Variants in L1TD1 observed in about 807,000 individuals in gnomAD.
L1TD1 encodes the protein LINE-1 type transposase domain-containing protein 1.
Under a neutral mutation model 25.7 loss-of-function variants are expected in L1TD1, and 26 were observed. That is an observed-to-expected ratio of 1.01 (90% confidence interval 0.74 to 1.40). The LOEUF (loss-of-function observed/expected upper bound fraction) is 1.40, where lower values mean the gene tolerates loss of function less well. L1TD1 is among the 40% of genes most tolerant of loss of function. L1TD1 has a pLI of 0.00. For synonymous variants in L1TD1, 421 were observed against 335.6 expected (o/e 1.25, Z -2.78); for missense variants, 1,130 against 975.0 (o/e 1.16, Z -2.12).
chr1:62,202,669 ATTTTT>A (rs35815437), intron 2 of L1TD1, among the ~76,000 whole-genome samples: 221 of 71,868 alleles, frequency 3.1e-3, no homozygotes, highest in African/African-American at 0.012. Context: ...CCAGGGTTTA[ATTTTT>A]TTTTTTTTTT....
chr1:62,209,825 AC>A lies in L1TD1; in HGVS notation c.1053del (p.Ser352ValfsTer4), dbSNP rs751514046. 2.5e-6 allele frequency: 4 copies of A among 1,612,274 alleles called. No homozygotes were observed. In the African/African-American group the frequency reaches 4.0e-5, roughly 16 times the overall value. On this transcript the variant is annotated frameshift_variant, in exon 4 of 4. Transcript: ENST00000498273. LOFTEE classifies it low-confidence loss of function (END_TRUNC). The part of the protein sequence containing the change: ...IDSKHRAGEI[T>X]SDGLSFLFLK... The stretch of plus-strand genomic sequence containing the variant: ...CTCAAAGCATAGAGCTGGAGAAATA[AC>A]CAGTGATGGCTTGAGCTTCCTATTT...
Position 62,207,035 on chromosome 1 carries a change from A to C in L1TD1, c.407A>C (p.Lys136Thr), listed in dbSNP as rs747185517. The C allele has an allele frequency of 1.9e-6, 3 of 1,613,696 alleles. No individual in the cohort carries two copies. The East Asian group carries it at 6.7e-5, about 36-fold the overall frequency. Residue 136 changes from lysine to threonine, a missense_variant, in exon 3 of 4, where the codon AAA becomes ACA. Coordinates refer to ENST00000498273, the MANE Select transcript of L1TD1 (RefSeq NM_019079.5). ...GATGATAATGAAAATTTAACCTTTA[A>C]ATTAGAAGTAAATGAGCTGAGTGGT... is the stretch of plus-strand genomic sequence containing the variant. ...IGDDNENLTF[K>T]LEVNELSGKL...
Position 62,198,609 on chromosome 1 carries a change from T to C in L1TD1, c.-111+2081T>C, listed in dbSNP as rs192240905. 3.1e-3 allele frequency among the ~76,000 whole-genome samples: 473 copies of C among 151,120 alleles called. 2 individuals are homozygous for C. Among genetic ancestry groups the C allele is most frequent in the African/African-American group, 0.011 (448 of 40,972 alleles). On this transcript the variant is annotated intron_variant, in intron 2 of 3. Transcript: ENST00000498273. ...AAGGAAATGCAAGCAGATAAACATATGAAAAGATGGCAGTCACAAGCCAAG... is the reference window on the plus strand; with the variant it reads ...AAGGAAATGCAAGCAGATAAACATACGAAAAGATGGCAGTCACAAGCCAAG...
At chr1:62,200,110 CAT>C (rs1280151705) in intron 2 of L1TD1, among the ~76,000 whole-genome samples, 1 of 151,972 alleles carries the variant, frequency 6.6e-6, no homozygotes, top group Non-Finnish European at 1.5e-5. Flanking sequence ...GTACGTTGAA[CAT>C]ATTGTATGCA....
intron 2 of L1TD1, among the ~76,000 whole-genome samples, chr1:62,197,792 C>G (rs539057118): frequency 7.6e-4 from 116 of 152,240 alleles, no homozygotes; most frequent in African/African-American, 2.8e-3. Flanking sequence ...AGGAGAATCA[C>G]TTGAACCTGG....
At chr1:62,195,558 T>A (rs1163435683) in intron 1 of L1TD1, among the ~76,000 whole-genome samples, 4 of 150,274 alleles carry the variant, frequency 2.7e-5, no homozygotes, top group African/African-American at 9.9e-5. Flanking sequence ...TTCGAGACCA[T>A]CCTGACCAAC....
At position 62,210,504 on chromosome 1, in the gene L1TD1, T is replaced by C; in HGVS notation, c.1730T>C (p.Leu577Ser). ...DEHKKHSHTN[L>S]SISTGVTKLK... ...CATAAAAAGCATTCACATACAAATT[T>C]GAGTATTTCAACAGGAGTCACCAAA... Residue 577 changes from leucine to serine, a missense_variant, in exon 4 of 4, where the codon TTG becomes TCG. Coordinates refer to ENST00000498273, the MANE Select transcript of L1TD1 (RefSeq NM_019079.5). 2.5e-6 allele frequency: 4 copies of C among 1,613,924 alleles called. No individual in the cohort carries two copies. Among genetic ancestry groups the C allele is most frequent in the Non-Finnish European group, 3.4e-6 (4 of 1,179,994 alleles).
Position 62,210,640 on chromosome 1 carries a change from T to C in L1TD1, c.1866T>C (p.Ile622=), listed in dbSNP as rs779622892. 25 of 1,581,810 alleles carry C rather than the reference T, an allele frequency of 1.6e-5. No individual in the cohort carries two copies. The South Asian group carries it at 2.7e-4, about 17-fold the overall frequency. Residue 622 remains isoleucine (I), a synonymous_variant, in exon 4 of 4, where the codon ATT becomes ATC. Transcript: ENST00000498273. ...AAGAAAACTTGAGAAGTAGTGTGAT[T>C]AATAGCATCAGAGAGATAAAAGAGG... ...ETEENLRSSV[I]NSIREIKEEI...
Position 62,207,546 on chromosome 1 carries a change from A to G in L1TD1, c.918A>G (p.Lys306=). ...GCCTTAGAAAATTTGCCAGCCAAAA[A>G]TCTTCTGTGAAAGAATTACTGAAAG... ...LQSLRKFASQ[K]SSVKELLKDV... Residue 306 remains lysine (K), a synonymous_variant, in exon 3 of 4, where the codon AAA becomes AAG. Coordinates refer to ENST00000498273, the MANE Select transcript of L1TD1 (RefSeq NM_019079.5). 6.4e-7 allele frequency: 1 copy of G among 1,551,476 alleles called. No individual in the cohort carries two copies. Among genetic ancestry groups the G allele is most frequent in the African/African-American group, 1.4e-5 (1 of 73,162 alleles).
rs1670873463 is a variant in L1TD1 at position 62,211,592 on chromosome 1, C to A, written c.*220C>A. 1 of 598,462 alleles carries A rather than the reference C, an allele frequency of 1.7e-6. No homozygotes were observed. Among genetic ancestry groups the A allele is most frequent in the Non-Finnish European group, 2.5e-6 (1 of 396,206 alleles). 37.1% of individuals were successfully genotyped at this position (598,462 alleles called of 1,614,324 possible). On this transcript the variant is annotated 3_prime_UTR_variant, in exon 4 of 4. Transcript: ENST00000498273. ...AATGTAGTGAGTTATTTCAGTTGAT[C>A]ACAGTCAGTTACAGATAGAATTCCT...
intron 1 of L1TD1, among the ~76,000 whole-genome samples, chr1:62,195,589 C>G (rs1001075859): frequency 2.0e-5 from 3 of 151,816 alleles, no homozygotes; most frequent in African/African-American, 7.3e-5. Context: ...CTCGTCTCTA[C>G]TAAAAATACA....
In L1TD1 at chr1:62,211,072, T is replaced by C; in HGVS notation, c.2298T>C (p.Asn766=). Residue 766 remains asparagine (N), a synonymous_variant, in exon 4 of 4, where the codon AAT becomes AAC. Transcript: ENST00000498273. ...TPRHILVKFW[N]SSDKEKIIRA... ...GACACATCTTGGTGAAATTTTGGAA[T>C]TCTAGTGATAAAGAGAAAATAATAA... The C allele has an allele frequency of 6.4e-7, 1 of 1,550,776 alleles. No individual in the cohort carries two copies. The highest frequency in any genetic ancestry group is 8.7e-7 in the Non-Finnish European group (1 of 1,146,866).
chr1:62,195,935 G>A (rs940061563), intron 1 of L1TD1, among the ~76,000 whole-genome samples: 3 of 152,046 alleles, frequency 2.0e-5, no homozygotes, highest in Non-Finnish European at 4.4e-5. Flanking sequence ...TACTAGGGAG[G>A]CCGAGGCAGG....
At chr1:62,201,096 T>C (rs1670631270) in intron 2 of L1TD1, among the ~76,000 whole-genome samples, 1 of 151,962 alleles carries the variant, frequency 6.6e-6, no homozygotes, top group South Asian at 2.1e-4. Flanking sequence ...GCCCAGCTAA[T>C]TTTTGTATTT....
At position 62,209,972 on chromosome 1, in the gene L1TD1, A is replaced by G. The variant is rs1557447009; in HGVS notation, c.1198A>G (p.Thr400Ala). The change falls in exon 4 of 4, where the codon ACC becomes GCC. Residue 400 changes from threonine (T) to alanine (A), a missense_variant. Thr to Ala is a moderately conservative substitution (Grantham distance 58). Transcript: ENST00000498273. ...EASGMEDDED[T>A]SGLEEEEEEP... is the part of the protein sequence containing the mutation. ...CTCAGGGATGGAGGATGATGAAGAT[A>G]CCTCAGGGCTGGAGGAGGAGGAGGA... The G allele has an allele frequency of 3.1e-6, 5 of 1,611,854 alleles. No homozygotes were observed. In the South Asian group the frequency reaches 5.5e-5, roughly 18 times the overall value.
rs1337531004 is a variant in L1TD1, at chr1:62,210,604, A to G, written c.1830A>G (p.Thr610=). ...TAACATCCAAAGAAGCAGACTTAAC[A>G]GAGGAAACAGAAGAAAACTTGAGAA... ...EELTSKEADL[T]EETEENLRSS... is the part of the protein sequence containing the mutation. The change falls in exon 4 of 4, where the codon ACA becomes ACG. Residue 610 remains threonine (T), a synonymous_variant. Transcript: ENST00000498273. The G allele has an allele frequency of 1.2e-6, 2 of 1,608,402 alleles. No homozygotes were observed. Among genetic ancestry groups the G allele is most frequent in the Middle Eastern group, 1.6e-4 (1 of 6,082 alleles).
chr1:62,205,443 A>ATATATTTTTTTTTTTTTTTTTTTT (rs1553122597), intron 2 of L1TD1, among the ~76,000 whole-genome samples: 1 of 63,658 alleles, frequency 1.6e-5, no homozygotes, highest in African/African-American at 5.6e-5. Context: ...ATATATATAT[A>ATATATTTTTTTTTTTTTTTTTTTT]TTTTTTTTTA....
intron 2 of L1TD1, among the ~76,000 whole-genome samples, chr1:62,204,628 T>C (rs1670700064): frequency 6.6e-6 from 1 of 152,294 alleles, no homozygotes; most frequent in South Asian, 2.1e-4. Context: ...GATGTTGAAC[T>C]TCTGGGCTCA....
chr1:62,198,568 A>C (rs920833253), intron 2 of L1TD1, among the ~76,000 whole-genome samples: 1 of 152,014 alleles, frequency 6.6e-6, no homozygotes, highest in African/African-American at 2.4e-5. Context: ...CAGTGTTGAA[A>C]AGGTAATACA....
Sources: gnomAD v4.1 joint callset for allele counts (sites outside exome capture counted in the v4.1 genomes callset) on GRCh38, gnomAD v4.1.1 for gene constraint, MANE v1.5 for transcripts, NCBI Gene and HGNC (gene_info 2026-07-23, HGNC 2026-07-21) for gene names.